The following FBXO25 variants were observed in gnomAD, a reference collection of about 807,000 sequenced individuals.
FBXO25 encodes the protein F-box protein 25, also known as F-box only protein 25.
Under a neutral mutation model 51.9 loss-of-function variants are expected in FBXO25, and 45 were observed. The observed-to-expected ratio is 0.87, with a 90% CI of 0.68 to 1.11. The LOEUF (loss-of-function observed/expected upper bound fraction) is 1.11. Ranked by LOEUF, FBXO25 falls within the 50% of genes most tolerant of loss-of-function variation. The pLI, the probability that FBXO25 is intolerant of heterozygous loss-of-function variation, is 0.00. For synonymous variants in FBXO25, 199 were observed against 151.0 expected, an observed-to-expected ratio of 1.32 and a Z score of -2.33; for missense variants, 507 against 428.5, an observed-to-expected ratio of 1.18 and a Z score of -1.62.
At chr8:458,613 T>A (rs539195442) in intron 8 of FBXO25, 62 bp downstream of exon 8, 3 of 1,522,188 alleles carry the variant, frequency 2.0e-6, no homozygotes. Flanking sequence ...CTGGGGGCCA[T>A]ACCCTATAAA....
Position 476,317 on chromosome 8 carries a change from T to C in FBXO25, c.*7513T>C, listed in dbSNP as rs558415516. 1 of 149,366 alleles carries C rather than the reference T, an allele frequency of 6.7e-6. No individual in the cohort carries two copies. The highest frequency in any genetic ancestry group is 2.1e-4 in the South Asian group (1 of 4,780). The allele number at this position is 149,366 out of a possible 1,614,324, so 9.3% of individuals were successfully genotyped here. On this transcript the variant is annotated 3_prime_UTR_variant, in exon 10 of 10. Transcript: ENST00000350302. ...AAAAAATCTTGATCAGGAATACTGATGTGTGGTGTTTTTTTCTTATAGTGT... is the reference window on the plus strand; with the variant it reads ...AAAAAATCTTGATCAGGAATACTGACGTGTGGTGTTTTTTTCTTATAGTGT...
intron 2 of FBXO25, among the ~76,000 whole-genome samples, chr8:423,905 C>T (rs1298083414): frequency 6.6e-6 from 1 of 152,188 alleles, no homozygotes; most frequent in Non-Finnish European, 1.5e-5. Flanking sequence ...TTTACATTCC[C>T]GTCAACAGTG....
intron 6 of FBXO25, 112 bp downstream of exon 6, chr8:450,195 G>T: frequency 1.6e-6 from 1 of 617,112 alleles, no homozygotes; most frequent in African/African-American, 2.1e-5. Flanking sequence ...AAAAACAATT[G>T]TGTAAATAAT....
chr8:438,706 T>C (rs994994984), intron 5 of FBXO25, among the ~76,000 whole-genome samples: 3 of 152,234 alleles, frequency 2.0e-5, no homozygotes, highest in African/African-American at 4.8e-5. Context: ...CAGATCAACG[T>C]ACCTTGGCTT....
At chr8:454,126 A>G (rs918124360) in intron 7 of FBXO25, among the ~76,000 whole-genome samples, 8 of 152,232 alleles carry the variant, frequency 5.3e-5, no homozygotes, top group South Asian at 4.1e-4. Flanking sequence ...CTCCGTCTCA[A>G]AAAAGAAATA....
chr8:458,291 C>G, intron 7 of FBXO25, 78 bp from the exon 8 acceptor site: 1 of 1,486,168 alleles, frequency 6.7e-7, no homozygotes, highest in Non-Finnish European at 9.2e-7. Context: ...AGCATTCATT[C>G]CAGCTTGACT....
At chr8:451,226 G>A in intron 6 of FBXO25, 43 bp from the exon 7 acceptor site, 6 of 1,530,736 alleles carry the variant, frequency 3.9e-6, no homozygotes, top group African/African-American at 1.4e-5. Flanking sequence ...TTAAAGTGTT[G>A]CTTAACTGTA....
chr8:456,513 G>C (rs1370679012), intron 7 of FBXO25, among the ~76,000 whole-genome samples: 1 of 152,206 alleles, frequency 6.6e-6, no homozygotes, highest in Non-Finnish European at 1.5e-5. Flanking sequence ...TGGCTGCTGG[G>C]GAAGTGATGT....
rs988118667 is a variant in FBXO25, at chr8:471,214, T to G, written c.*2410T>G. On this transcript the variant is annotated 3_prime_UTR_variant, in exon 10 of 10. Coordinates refer to ENST00000350302, the MANE Select transcript of FBXO25 (RefSeq NM_183420.2). ...TGGGTCACAGCCTCCTGCAGGTGCGTTCGAGGGACAAGCTGTGGGAGCTGG... is the reference window on the plus strand; with the variant it reads ...TGGGTCACAGCCTCCTGCAGGTGCGGTCGAGGGACAAGCTGTGGGAGCTGG... 4 of 152,234 alleles carry G rather than the reference T, an allele frequency of 2.6e-5. No homozygotes were observed. The highest frequency in any genetic ancestry group is 9.7e-5 in the African/African-American group (4 of 41,414). 9.4% of individuals were successfully genotyped at this position (152,234 alleles called of 1,614,324 possible). A position where few individuals can be genotyped will look rare whatever the true frequency, so the allele number is the denominator to read the frequency against.
At chr8:440,727 T>C (rs1368476297) in intron 5 of FBXO25, among the ~76,000 whole-genome samples, 4 of 152,094 alleles carry the variant, frequency 2.6e-5, no homozygotes, top group Non-Finnish European at 4.4e-5. Context: ...CCTAATGCTA[T>C]CTGTCCCCTA....
intron 8 of FBXO25, among the ~76,000 whole-genome samples, chr8:461,294 A>G (rs765200678): frequency 2.6e-5 from 4 of 152,198 alleles, no homozygotes; most frequent in Non-Finnish European, 5.9e-5. Context: ...GCTGCCAATA[A>G]AAGACATACC....
At chr8:416,992 G>T (rs1382797220) in intron 2 of FBXO25, among the ~76,000 whole-genome samples, 1 of 152,172 alleles carries the variant, frequency 6.6e-6, no homozygotes, top group African/African-American at 2.4e-5. Flanking sequence ...GAAACCTTAG[G>T]CAATGAGAGC....
chr8:472,969 C>G lies in FBXO25; in HGVS notation c.*4165C>G, dbSNP rs1017410514. On this transcript the variant is annotated 3_prime_UTR_variant, in exon 10 of 10. Transcript: ENST00000350302. ...CCCTTTAGTCCCTATCAAATGCTAC[C>G]CAATGGCAAAGCCAAGGGATTAGCA... 2 of 152,236 alleles carry G rather than the reference C, an allele frequency of 1.3e-5. No individual in the cohort carries two copies. The highest frequency in any genetic ancestry group is 4.8e-5 in the African/African-American group (2 of 41,450). 9.4% of individuals were successfully genotyped at this position (152,236 alleles called of 1,614,324 possible).
chr8:474,679 A>G lies in FBXO25; in HGVS notation c.*5875A>G, dbSNP rs1457691543. ...CCGTTTATATGTCGTCTTTGGAGAA[A>G]TGTCTATTTGGGCTCTTTGTCCATT... On this transcript the variant is annotated 3_prime_UTR_variant, in exon 10 of 10. Transcript: ENST00000350302. 2.2e-6 allele frequency: 1 copy of G among 449,310 alleles called. No homozygotes were observed. Among genetic ancestry groups the G allele is most frequent in the Non-Finnish European group, 4.4e-6 (1 of 225,248 alleles). The allele number at this position is 449,310 out of a possible 1,614,324, so 27.8% of individuals were successfully genotyped here. A position where few individuals can be genotyped will look rare whatever the true frequency, so the allele number is the denominator to read the frequency against.
In FBXO25 at chr8:468,740, C is replaced by T; in HGVS notation, c.1013C>T (p.Ala338Val). Reference protein sequence around the residue: ...WKDSGHPCTAADPDSCFTPVS... With the variant: ...WKDSGHPCTAVDPDSCFTPVS... ...GACTCAGGACACCCCTGCACGGCGG[C>T]CGACCCTGACAGCTGCTTCACGCCT... The change falls in exon 10 of 10, where the codon GCC becomes GTC. Residue 338 changes from alanine to valine, a missense_variant. Ala to Val is a moderately conservative substitution (Grantham distance 64). Transcript: ENST00000350302. 1.9e-6 allele frequency: 3 copies of T among 1,613,986 alleles called. No homozygotes were observed. The highest frequency in any genetic ancestry group is 2.5e-6 in the Non-Finnish European group (3 of 1,180,012).
chr8:460,511 C>G (rs1033628407), intron 8 of FBXO25, among the ~76,000 whole-genome samples: 5 of 152,060 alleles, frequency 3.3e-5, no homozygotes, highest in Non-Finnish European at 7.4e-5. Flanking sequence ...AGGAAGCATC[C>G]TCAAAGTAAA....
intron 7 of FBXO25, among the ~76,000 whole-genome samples, chr8:457,049 C>T (rs936095904): frequency 6.6e-6 from 1 of 152,168 alleles, no homozygotes; most frequent in Non-Finnish European, 1.5e-5. Flanking sequence ...TAGAAAGCCA[C>T]GACACATCAG....
chr8:447,669 G>C (rs1374490404), intron 5 of FBXO25, among the ~76,000 whole-genome samples: 1 of 152,144 alleles, frequency 6.6e-6, no homozygotes, highest in Non-Finnish European at 1.5e-5. Flanking sequence ...TTGGGGCTGG[G>C]ATACAAGCCT....
intron 2 of FBXO25, among the ~76,000 whole-genome samples, chr8:415,696 G>A (rs529643314): frequency 6.6e-6 from 1 of 152,340 alleles, no homozygotes; most frequent in African/African-American, 2.4e-5. Context: ...GAAGGACTCT[G>A]AGGGTTCAGC....
Sources: gnomAD v4.1 joint callset for allele counts (sites outside exome capture counted in the v4.1 genomes callset) on GRCh38, gnomAD v4.1.1 for gene constraint, MANE v1.5 for transcripts, NCBI Gene and HGNC (gene_info 2026-07-23, HGNC 2026-07-21) for gene names.